IGF1R: variants seen among roughly 807,000 people sequenced by gnomAD.
IGF1R encodes the protein insulin like growth factor 1 receptor.
In IGF1R, 44 loss-of-function variants were observed where a neutral mutation model predicts 144.6. That is an observed-to-expected ratio of 0.30 (90% CI 0.24 to 0.39). The LOEUF (loss-of-function observed/expected upper bound fraction) is 0.39. IGF1R is among the 10% of genes least tolerant of loss of function. IGF1R has a pLI of 1.00. For synonymous variants in IGF1R, 795 were observed against 722.8 expected, an observed-to-expected ratio of 1.10 and a Z score of -1.60; for missense variants, 1,355 against 1,833.7, an observed-to-expected ratio of 0.74 and a Z score of 4.77.
intron 1 of IGF1R, among the ~76,000 whole-genome samples, chr15:98,705,822 T>C (rs568355136): frequency 6.6e-6 from 1 of 152,210 alleles, no homozygotes; most frequent in Non-Finnish European, 1.5e-5. Flanking sequence ...TTGTGGGGGC[T>C]TTATTCCTCT....
intron 5 of IGF1R, among the ~76,000 whole-genome samples, chr15:98,901,979 T>A (rs1357702099): frequency 6.6e-6 from 1 of 152,202 alleles, no homozygotes; most frequent in African/African-American, 2.4e-5. Flanking sequence ...AGGAAGACCA[T>A]GGAACGTATT....
intron 1 of IGF1R, among the ~76,000 whole-genome samples, chr15:98,668,501 G>C (rs2052800825): frequency 1.3e-5 from 2 of 152,186 alleles, no homozygotes; most frequent in African/African-American, 4.8e-5. Flanking sequence ...GTAACCAAAT[G>C]CCTGAAATGT....
At chr15:98,813,998 C>CA (rs2056645775) in intron 2 of IGF1R, among the ~76,000 whole-genome samples, 2 of 152,178 alleles carry the variant, frequency 1.3e-5, no homozygotes, top group African/African-American at 4.8e-5. Context: ...TACCTCAGTT[C>CA]ATGTTTTTTA....
chr15:98,833,579 A>G (rs2057040410), intron 2 of IGF1R, among the ~76,000 whole-genome samples: 1 of 152,220 alleles, frequency 6.6e-6, no homozygotes, highest in Admixed American at 6.5e-5. Context: ...ACAAGGGTTT[A>G]TTTAAAGGGA....
chr15:98,714,947 T>G (rs1280459987), intron 2 of IGF1R, among the ~76,000 whole-genome samples: 3 of 152,160 alleles, frequency 2.0e-5, no homozygotes, highest in African/African-American at 7.2e-5. Flanking sequence ...GCTTGCATTT[T>G]CAGGTGGACT....
Position 98,707,458 on chromosome 15 carries a change from A to C in IGF1R, c.95-104A>C. The C allele has an allele frequency of 8.5e-7, 1 of 1,179,296 alleles. No individual in the cohort carries two copies. The highest frequency in any genetic ancestry group is 2.6e-4 in the Middle Eastern group (1 of 3,908). The allele number at this position is 1,179,296 out of a possible 1,614,324, so 73.1% of individuals were successfully genotyped here. A position where few individuals can be genotyped will look rare whatever the true frequency, so the allele number is the denominator to read the frequency against. On this transcript the variant is annotated intron_variant, in intron 1 of 20. Transcript: ENST00000650285. The surrounding 1 kb of genome is among the most constrained non-coding windows in gnomAD (Gnocchi z 6.7). ...TGAACAATTGAACCTCATTTCTTTA[A>C]TAATAATACAGGATTCCTGAAAACC...
intron 2 of IGF1R, among the ~76,000 whole-genome samples, chr15:98,777,801 G>T (rs190408968): frequency 6.6e-6 from 1 of 152,216 alleles, no homozygotes; most frequent in Non-Finnish European, 1.5e-5. Context: ...ATGCAGAGAC[G>T]GAGCTGGGAG....
chr15:98,785,041 G>A (rs1327604640), intron 2 of IGF1R, among the ~76,000 whole-genome samples: 1 of 152,200 alleles, frequency 6.6e-6, no homozygotes, highest in East Asian at 1.9e-4. Flanking sequence ...ATATGTGTAT[G>A]TGTTTAGAAG....
chr15:98,811,624 A>G (rs893610757), intron 2 of IGF1R, among the ~76,000 whole-genome samples: 2 of 151,870 alleles, frequency 1.3e-5, no homozygotes, highest in Admixed American at 6.6e-5. Flanking sequence ...TCTGTGAACC[A>G]TAAGAAATAA....
intron 2 of IGF1R, among the ~76,000 whole-genome samples, chr15:98,872,260 A>T (rs1419659502): frequency 6.6e-6 from 1 of 152,226 alleles, no homozygotes; most frequent in African/African-American, 2.4e-5. Flanking sequence ...ATCTTGTCTT[A>T]TGATTTTTTT....
At chr15:98,783,938 C>T (rs187391484) in intron 2 of IGF1R, among the ~76,000 whole-genome samples, 4 of 141,776 alleles carry the variant, frequency 2.8e-5, no homozygotes, top group African/African-American at 1.1e-4. Flanking sequence ...TGGTCTATTG[C>T]AAATACTATG....
chr15:98,716,891 C>T (rs2054130990), intron 2 of IGF1R, among the ~76,000 whole-genome samples: 1 of 152,102 alleles, frequency 6.6e-6, no homozygotes. Context: ...CAGGCCTCAC[C>T]CCTGATATCC....
At chr15:98,661,073 T>C (rs2052587442) in intron 1 of IGF1R, among the ~76,000 whole-genome samples, 1 of 151,910 alleles carries the variant, frequency 6.6e-6, no homozygotes, top group Admixed American at 6.6e-5. Flanking sequence ...CTCAAGATAC[T>C]AGGCAGAGAG....
intron 19 of IGF1R, among the ~76,000 whole-genome samples, chr15:98,944,865 G>A (rs1490598731): frequency 2.6e-5 from 4 of 151,958 alleles, no homozygotes; most frequent in Non-Finnish European, 4.4e-5. Flanking sequence ...AATCTTTCGT[G>A]TTCTGCTACG....
intron 1 of IGF1R, among the ~76,000 whole-genome samples, chr15:98,685,553 C>T (rs911492148): frequency 1.3e-5 from 2 of 152,298 alleles, no homozygotes; most frequent in Admixed American, 1.3e-4. Flanking sequence ...CCTCTGTGTC[C>T]CTTCGGTATC....
chr15:98,807,110 T>C (rs1316484599), intron 2 of IGF1R, among the ~76,000 whole-genome samples: 1 of 152,248 alleles, frequency 6.6e-6, no homozygotes, highest in Non-Finnish European at 1.5e-5. Context: ...GCTCACGCCC[T>C]GTACCTGGCT....
intron 2 of IGF1R, among the ~76,000 whole-genome samples, chr15:98,822,238 T>C (rs1450764048): frequency 2.0e-5 from 3 of 152,174 alleles, no homozygotes; most frequent in Non-Finnish European, 4.4e-5. Context: ...TCAAGTCATC[T>C]CGTGTGGTGC....
intron 5 of IGF1R, among the ~76,000 whole-genome samples, chr15:98,903,975 G>A (rs2312139): frequency 0.36 from 53,847 of 151,678 alleles, 9,955 homozygotes; most frequent in East Asian, 0.57. Context: ...GATGATGGAA[G>A]TGTTCTGGAA....
chr15:98,671,838 T>C (rs915301624), intron 1 of IGF1R, among the ~76,000 whole-genome samples: 24 of 152,338 alleles, frequency 1.6e-4, no homozygotes, highest in Non-Finnish European at 2.6e-4. Context: ...TGTTGTACTA[T>C]TGAGCTCTGA....
Sources: gnomAD v4.1 joint callset for allele counts (sites outside exome capture counted in the v4.1 genomes callset) on GRCh38, gnomAD v4.1.1 for gene constraint, Gnocchi (gnomAD v3.1) non-coding constraint, MANE v1.5 for transcripts, NCBI Gene and HGNC (gene_info 2026-07-23, HGNC 2026-07-21) for gene names.